Variants in ARL15 observed in about 807,000 individuals in gnomAD.
ARL15 encodes the protein ADP-ribosylation factor-like protein 15.
In ARL15, 19 loss-of-function variants were observed where a neutral mutation model predicts 25.2. That is an observed-to-expected ratio of 0.75 (90% confidence interval 0.53 to 1.10). The LOEUF is 1.10. Ranked by LOEUF, ARL15 falls within the 50% of genes least tolerant of loss-of-function variation. The pLI, the probability that ARL15 is intolerant of heterozygous loss-of-function variation, is 0.00. For missense variants in ARL15, 220 were observed against 246.0 expected (o/e 0.89, Z 0.71); for synonymous variants, 94 against 86.8 (o/e 1.08, Z -0.46).
chr5:53,898,051 T>G (rs1744930451), intron 4 of ARL15, among the ~76,000 whole-genome samples: 1 of 152,204 alleles, frequency 6.6e-6, no homozygotes, highest in Non-Finnish European at 1.5e-5. Flanking sequence ...TATTTACTAT[T>G]TATTAAGTGT....
At chr5:54,053,825 T>C (rs1391031922) in intron 4 of ARL15, among the ~76,000 whole-genome samples, 1 of 152,158 alleles carries the variant, frequency 6.6e-6, no homozygotes, top group Non-Finnish European at 1.5e-5. Context: ...AAACTAAGTG[T>C]AATGTGGTGT....
intron 4 of ARL15, among the ~76,000 whole-genome samples, chr5:54,103,067 C>G (rs1028491637): frequency 6.6e-6 from 1 of 152,050 alleles, no homozygotes; most frequent in Non-Finnish European, 1.5e-5. Flanking sequence ...GCAACTGAAT[C>G]CAGATACTTG....
intron 3 of ARL15, among the ~76,000 whole-genome samples, chr5:54,145,480 C>A (rs1397478834): frequency 2.0e-5 from 3 of 152,206 alleles, no homozygotes; most frequent in Non-Finnish European, 4.4e-5. Context: ...CATATTACCT[C>A]TTCAACAGTT....
intron 4 of ARL15, among the ~76,000 whole-genome samples, chr5:54,100,842 G>A (rs556856656): frequency 6.6e-6 from 1 of 152,134 alleles, no homozygotes; most frequent in South Asian, 2.1e-4. Context: ...GTTTCAGACT[G>A]AGAATTGTAA....
At position 54,003,662 on chromosome 5, in the gene ARL15, TTCTATCTATCTATCTATCTATCTA is replaced by T. The variant is rs34463762; in HGVS notation, c.462+109516_462+109539del. On this transcript the variant is annotated intron_variant, in intron 4 of 4. Transcript: ENST00000504924. ...GAATGTCAGTCAGAAAATATTTTCT[TTCTATCTATCTATCTATCTATCTA>T]TCTATCTATCTATCTATCTATCTAT... is the stretch of plus-strand genomic sequence containing the variant. Among the ~76,000 whole-genome samples, 479 of 138,426 alleles carry T rather than the reference TTCTATCTATCTATCTATCTATCTA, an allele frequency of 3.5e-3. 1 individual carries two copies. The highest frequency in any genetic ancestry group is 0.01 in the South Asian group (44 of 4,236). 90.8% of individuals were successfully genotyped at this position (138,426 alleles called of 152,430 possible).
chr5:53,900,708 A>G (rs573286476), intron 4 of ARL15, among the ~76,000 whole-genome samples: 1 of 152,318 alleles, frequency 6.6e-6, no homozygotes, highest in South Asian at 2.1e-4. Context: ...GTAAAAGAAG[A>G]AAATTGAATA....
chr5:53,966,386 A>G (rs1238836050), intron 4 of ARL15, among the ~76,000 whole-genome samples: 1 of 152,102 alleles, frequency 6.6e-6, no homozygotes, highest in East Asian at 1.9e-4. Flanking sequence ...ATCCTTTGTA[A>G]TGTCCTTCAT....
intron 4 of ARL15, among the ~76,000 whole-genome samples, chr5:53,989,927 T>A (rs1664798): frequency 0.63 from 96,103 of 151,970 alleles, 30,870 homozygotes; most frequent in East Asian, 0.86. Context: ...TTGGGAGGCA[T>A]GAAAAAGTTT....
At chr5:53,908,414 T>C (rs1268114106) in intron 4 of ARL15, among the ~76,000 whole-genome samples, 3 of 152,296 alleles carry the variant, frequency 2.0e-5, no homozygotes, top group Non-Finnish European at 2.9e-5. Flanking sequence ...CATGACTAGT[T>C]ACGCAGCATT....
At chr5:53,950,968 G>A (rs1746927988) in intron 4 of ARL15, among the ~76,000 whole-genome samples, 1 of 152,232 alleles carries the variant, frequency 6.6e-6, no homozygotes, top group African/African-American at 2.4e-5. Flanking sequence ...AACTTGGCCT[G>A]AGGGCCAAAT....
At chr5:54,138,204 G>A (rs1753662528) in intron 3 of ARL15, among the ~76,000 whole-genome samples, 2 of 152,132 alleles carry the variant, frequency 1.3e-5, no homozygotes, top group South Asian at 4.1e-4. Context: ...TCTCGATCCA[G>A]GTACAGTGGC....
intron 1 of ARL15, among the ~76,000 whole-genome samples, chr5:54,216,427 G>C (rs182588882): frequency 6.6e-6 from 1 of 152,084 alleles, no homozygotes; most frequent in African/African-American, 2.4e-5. Context: ...TTGTCTATCA[G>C]TATCTGATGG....
At chr5:54,047,196 T>C (rs999841632) in intron 4 of ARL15, among the ~76,000 whole-genome samples, 1 of 152,136 alleles carries the variant, frequency 6.6e-6, no homozygotes, top group East Asian at 1.9e-4. Context: ...CCAGGAAGTA[T>C]ACTCTAGCCA....
intron 1 of ARL15, among the ~76,000 whole-genome samples, chr5:54,258,558 T>C (rs1037631738): frequency 1.3e-5 from 2 of 152,172 alleles, no homozygotes; most frequent in African/African-American, 4.8e-5. Context: ...GATCACAAGC[T>C]GATCCTAATT....
At chr5:53,909,433 A>G (rs1745380466) in intron 4 of ARL15, among the ~76,000 whole-genome samples, 1 of 152,222 alleles carries the variant, frequency 6.6e-6, no homozygotes, top group South Asian at 2.1e-4. Context: ...CAGGCTGGGC[A>G]CGGTGGCTCA....
intron 3 of ARL15, among the ~76,000 whole-genome samples, chr5:54,147,833 C>A (rs989841132): frequency 6.6e-5 from 10 of 152,196 alleles, no homozygotes; most frequent in Admixed American, 6.5e-4. Flanking sequence ...TATGCTGTTT[C>A]TTTTTCTAAT....
intron 4 of ARL15, among the ~76,000 whole-genome samples, chr5:53,982,800 C>T (rs147315860): frequency 4.6e-5 from 7 of 152,170 alleles, no homozygotes; most frequent in Admixed American, 4.6e-4. Context: ...ACACTCCCAC[C>T]AACAGTGTAA....
At chr5:54,142,433 A>G (rs1399718666) in intron 3 of ARL15, among the ~76,000 whole-genome samples, 1 of 152,192 alleles carries the variant, frequency 6.6e-6, no homozygotes, top group Non-Finnish European at 1.5e-5. Flanking sequence ...CATTGGTACC[A>G]GGAGCTAACC....
At chr5:54,213,879 TTTA>T (rs1756110115) in intron 1 of ARL15, among the ~76,000 whole-genome samples, 1 of 152,188 alleles carries the variant, frequency 6.6e-6, no homozygotes, top group Admixed American at 6.5e-5. Context: ...AATCCATCAG[TTTA>T]TTGTTTGGAA....
Sources: allele counts gnomAD v4.1 joint callset (sites outside exome capture counted in the v4.1 genomes callset), GRCh38; gene constraint gnomAD v4.1.1; transcripts MANE v1.5; gene names NCBI Gene and HGNC (gene_info 2026-07-23, HGNC 2026-07-21).